BBX: variants seen among roughly 807,000 people sequenced by gnomAD.
BBX encodes HMG box transcription factor BBX.
A neutral mutation model predicts 100.2 loss-of-function variants in BBX; 30 were observed. That is an observed-to-expected ratio of 0.30 (90% confidence interval 0.22 to 0.41). BBX has a LOEUF of 0.41. Ranked by LOEUF, BBX falls within the 10% of genes least tolerant of loss-of-function variation. BBX has a pLI of 1.00. For missense variants in BBX, 1,023 were observed against 1,129.8 expected (o/e 0.91, Z 1.35); for synonymous variants, 376 against 388.1 (o/e 0.97, Z 0.37).
At chr3:107,546,869 C>G (rs1379134712) in intron 2 of BBX, among the ~76,000 whole-genome samples, 2 of 152,102 alleles carry the variant, frequency 1.3e-5, no homozygotes, top group African/African-American at 2.4e-5. Flanking sequence ...GAAGGAGAAG[C>G]AATTATATTG....
chr3:107,742,353 C>T (rs761253535), intron 7 of BBX, among the ~76,000 whole-genome samples: 2 of 150,982 alleles, frequency 1.3e-5, no homozygotes, highest in Non-Finnish European at 1.5e-5. Context: ...CCTTCTGATA[C>T]GCTGCCTCTA....
At chr3:107,642,829 C>A (rs1276278212) in intron 2 of BBX, among the ~76,000 whole-genome samples, 6 of 151,614 alleles carry the variant, frequency 4.0e-5, no homozygotes, top group Non-Finnish European at 7.4e-5. Context: ...TGTAATTGTT[C>A]CTTAGCAAAT....
intron 5 of BBX, among the ~76,000 whole-genome samples, chr3:107,721,662 T>A (rs144416364): frequency 3.3e-5 from 5 of 152,170 alleles, no homozygotes; most frequent in African/African-American, 1.2e-4. Context: ...GGAATGATAA[T>A]AACTTTGTGA....
intron 2 of BBX, among the ~76,000 whole-genome samples, chr3:107,601,722 G>A (rs1431210611): frequency 6.6e-6 from 1 of 152,262 alleles, no homozygotes; most frequent in Non-Finnish European, 1.5e-5. Context: ...AGAGGAAGCA[G>A]CAAGTGCTGA....
intron 2 of BBX, among the ~76,000 whole-genome samples, chr3:107,577,894 C>T (rs1213212621): frequency 6.6e-6 from 1 of 152,042 alleles, no homozygotes; most frequent in Non-Finnish European, 1.5e-5. Context: ...ATTAGAAGTA[C>T]TGTCTTATCT....
At chr3:107,789,904 G>A in intron 14 of BBX, 28 bp downstream of exon 14, 1 of 1,495,344 alleles carries the variant, frequency 6.7e-7, no homozygotes, top group Non-Finnish European at 9.1e-7. Context: ...CCTCCATGAA[G>A]GGTTCTTGGT....
intron 2 of BBX, among the ~76,000 whole-genome samples, chr3:107,619,715 A>G (rs2055594546): frequency 1.3e-5 from 2 of 152,080 alleles, no homozygotes; most frequent in South Asian, 4.1e-4. Context: ...TTCACTGGGT[A>G]TAGGATCCTG....
At chr3:107,776,406 A>G (rs1003698793) in intron 12 of BBX, 1 of 152,214 alleles carries the variant, frequency 6.6e-6, no homozygotes, top group African/African-American at 2.4e-5. Context: ...GCACATGTGT[A>G]TAACTGGGAG....
chr3:107,774,046 C>G (rs1334540858), intron 11 of BBX, among the ~76,000 whole-genome samples: 1 of 152,160 alleles, frequency 6.6e-6, no homozygotes, highest in Admixed American at 6.5e-5. Flanking sequence ...CTGCCTTTCT[C>G]TCTTCATTAG....
intron 2 of BBX, among the ~76,000 whole-genome samples, chr3:107,578,402 G>T (rs1043304893): frequency 7.1e-6 from 1 of 140,214 alleles, no homozygotes; most frequent in Non-Finnish European, 1.7e-5. Context: ...CAGTGAGGAC[G>T]CAGACTTGAC....
At chr3:107,781,811 T>A (rs1389034647) in intron 13 of BBX, among the ~76,000 whole-genome samples, 1 of 152,152 alleles carries the variant, frequency 6.6e-6, no homozygotes, top group Non-Finnish European at 1.5e-5. Context: ...TTGATCCTTC[T>A]TATATTTTTT....
At chr3:107,547,646 C>A (rs1015670337) in intron 2 of BBX, among the ~76,000 whole-genome samples, 1 of 152,094 alleles carries the variant, frequency 6.6e-6, no homozygotes, top group Non-Finnish European at 1.5e-5. Context: ...ACCCGGCACT[C>A]TTCTGTGTAC....
At position 107,773,495 on chromosome 3, in the gene BBX, G is replaced by C. The variant is rs377165584; in HGVS notation, c.1774G>C (p.Ala592Pro). 2 of 1,614,084 alleles carry C rather than the reference G, an allele frequency of 1.2e-6. No homozygotes were observed. The highest frequency in any genetic ancestry group is 1.7e-6 in the Non-Finnish European group (2 of 1,179,982). The part of the protein sequence containing the change: ...DALPPSLSGQ[A>P]KPEDSDCHRK... ...ACTACCACCCAGCCTATCAGGACAG[G>C]CCAAGCCTGAGGACAGTGACTGTCA... The change falls in exon 11 of 18, where the codon GCC (alanine) becomes CCC (proline). Residue 592 changes from alanine (A) to proline (P), a missense_variant. Physicochemically the swap from Ala to Pro is conservative, Grantham distance 27. This residue lies in a region of BBX where 348 missense variants were observed against 353.2 expected (regional missense o/e 0.99). Coordinates refer to ENST00000325805, the MANE Select transcript of BBX (RefSeq NM_001142568.3). The surrounding 1 kb of genome is among the most constrained non-coding windows in gnomAD (Gnocchi z 4.1).
At chr3:107,803,337 C>T (rs1173264812) in intron 17 of BBX, among the ~76,000 whole-genome samples, 1 of 151,722 alleles carries the variant, frequency 6.6e-6, no homozygotes, top group Non-Finnish European at 1.5e-5. Flanking sequence ...GTAACTTGAG[C>T]CCCTACCTGT....
intron 3 of BBX, among the ~76,000 whole-genome samples, chr3:107,651,818 T>A (rs2057855591): frequency 6.6e-6 from 1 of 152,168 alleles, no homozygotes; most frequent in African/African-American, 2.4e-5. Flanking sequence ...CTAAATTAGG[T>A]AATGGATGCT....
At chr3:107,700,596 A>T (rs1452173462) in intron 3 of BBX, among the ~76,000 whole-genome samples, 2 of 46,092 alleles carry the variant, frequency 4.3e-5, no homozygotes, top group African/African-American at 8.9e-5. Context: ...CCCTCCCCCC[A>T]CCCCACAACA....
intron 2 of BBX, among the ~76,000 whole-genome samples, chr3:107,559,314 G>A (rs546656964): frequency 2.6e-5 from 4 of 152,318 alleles, no homozygotes; most frequent in African/African-American, 7.2e-5. Flanking sequence ...AGCAATCAAT[G>A]TGTAGGATAA....
chr3:107,801,347 G>T, intron 17 of BBX, 66 bp downstream of exon 17: 1 of 1,537,758 alleles, frequency 6.5e-7, no homozygotes, highest in Admixed American at 1.9e-5. Flanking sequence ...GATGTGATTT[G>T]TGACATTTTT....
intron 2 of BBX, among the ~76,000 whole-genome samples, chr3:107,552,162 C>G (rs564071625): frequency 4.0e-5 from 6 of 151,344 alleles, no homozygotes; most frequent in Non-Finnish European, 8.8e-5. Flanking sequence ...GACAACATGT[C>G]AAAACCTTGT....
Sources: allele counts gnomAD v4.1 joint callset (sites outside exome capture counted in the v4.1 genomes callset), GRCh38; gene constraint gnomAD v4.1.1; regional missense constraint gnomAD v4.1.1; non-coding constraint Gnocchi (gnomAD v3.1); transcripts MANE v1.5; gene names NCBI Gene and HGNC (gene_info 2026-07-23, HGNC 2026-07-21).